Variants in SEMA3C observed in about 807,000 individuals in gnomAD.
SEMA3C encodes semaphorin-3C.
Under a neutral mutation model 89.4 loss-of-function variants are expected in SEMA3C, and 47 were observed. The observed-to-expected ratio is 0.53, with a 90% CI of 0.42 to 0.67. SEMA3C has a LOEUF of 0.67. Among genes scored for constraint, SEMA3C ranks in the 30% least tolerant of loss-of-function variants. SEMA3C has a pLI of 0.00. For missense variants in SEMA3C, 839 were observed against 929.1 expected (o/e 0.90, Z 1.26); for synonymous variants, 310 against 320.2 (o/e 0.97, Z 0.34).
rs181153510 is a variant in SEMA3C, at chr7:80,900,785, T to C, written c.103+15894A>G. Among the ~76,000 whole-genome samples, 4 of 152,294 alleles carry C rather than the reference T, an allele frequency of 2.6e-5. No homozygotes were observed. In the East Asian group the frequency reaches 5.8e-4, roughly 22 times the overall value. ...GCACAGACTAAAAAGTAACTCTATA[T>C]AACAAATGAATCACTTTCATGACTA... On this transcript the variant is annotated intron_variant, in intron 2 of 17. Coordinates refer to ENST00000265361, the MANE Select transcript of SEMA3C (RefSeq NM_006379.5).
At chr7:80,793,594 G>T (rs1788993435) in intron 11 of SEMA3C, 2 of 382,278 alleles carry the variant, frequency 5.2e-6, no homozygotes, top group South Asian at 4.1e-5. Flanking sequence ...TTTGGTTTAG[G>T]ATCAATTTCC....
chr7:80,874,817 G>A (rs796871901), intron 2 of SEMA3C, among the ~76,000 whole-genome samples: 2 of 152,062 alleles, frequency 1.3e-5, no homozygotes, highest in South Asian at 4.2e-4. Flanking sequence ...CTGTAAAATG[G>A]TGTTTTAAAA....
At chr7:80,851,373 A>C (rs113332365) in intron 2 of SEMA3C, among the ~76,000 whole-genome samples, 4,292 of 151,746 alleles carry the variant, frequency 0.028, 181 homozygotes, top group African/African-American at 0.093. Context: ...GGCGTGGGGC[A>C]GGCACCTATA....
At chr7:80,830,548 T>C (rs991125225) in intron 2 of SEMA3C, among the ~76,000 whole-genome samples, 10 of 152,180 alleles carry the variant, frequency 6.6e-5, no homozygotes, top group African/African-American at 2.4e-4. Flanking sequence ...ACAACAATAG[T>C]AAAATACAGG....
intron 3 of SEMA3C, 102 bp downstream of exon 3, chr7:80,828,483 T>C: frequency 3.2e-6 from 3 of 950,648 alleles, no homozygotes; most frequent in Non-Finnish European, 4.5e-6. Context: ...CAGTATTTTC[T>C]ATTGTTCTAA....
intron 2 of SEMA3C, among the ~76,000 whole-genome samples, chr7:80,837,514 G>A (rs1481926240): frequency 6.6e-6 from 1 of 152,146 alleles, no homozygotes; most frequent in Non-Finnish European, 1.5e-5. Context: ...GGCCTCCTAT[G>A]ATCTAGTTCC....
At position 80,810,694 on chromosome 7, in the gene SEMA3C, A is replaced by G. The variant is rs1583899661; in HGVS notation, c.455T>C (p.Val152Ala). The change falls in exon 6 of 18, where the codon GTT becomes GCT. Residue 152 changes from valine (V) to alanine (A), a missense_variant. By Grantham distance (64) the Val-to-Ala change is moderately conservative. Transcript: ENST00000265361. ...TTCACACTTGGAGTCAATCATGAAA[A>G]CTTGGTCCTTTATTGTAGATAAAAT... Reference protein sequence around the residue: ...LNRGRRSEDQVFMIDSKCESG... With the variant: ...LNRGRRSEDQAFMIDSKCESG... 6.2e-7 allele frequency: 1 copy of G among 1,613,146 alleles called. No homozygotes were observed. Among genetic ancestry groups the G allele is most frequent in the East Asian group, 2.2e-5 (1 of 44,846 alleles).
intron 2 of SEMA3C, among the ~76,000 whole-genome samples, chr7:80,867,332 C>T (rs1486674448): frequency 1.3e-5 from 2 of 151,966 alleles, no homozygotes; most frequent in Admixed American, 6.6e-5. Flanking sequence ...AACTCCTGAC[C>T]TAAAGCTATC....
At chr7:80,803,837 A>G (rs1789269395) in intron 8 of SEMA3C, among the ~76,000 whole-genome samples, 1 of 152,112 alleles carries the variant, frequency 6.6e-6, no homozygotes, top group South Asian at 2.1e-4. Context: ...CAAAAACAAA[A>G]TATTTTCTTG....
At chr7:80,869,995 T>G in intron 2 of SEMA3C, among the ~76,000 whole-genome samples, 1 of 152,212 alleles carries the variant, frequency 6.6e-6, no homozygotes, top group Non-Finnish European at 1.5e-5. Flanking sequence ...ATCAAAAACT[T>G]CATGCTCAAA....
At chr7:80,815,780 G>GAT (rs1434445574) in intron 5 of SEMA3C, among the ~76,000 whole-genome samples, 1 of 152,076 alleles carries the variant, frequency 6.6e-6, no homozygotes, top group Non-Finnish European at 1.5e-5. Context: ...GGTCACCTGT[G>GAT]ATATTCTTGG....
At chr7:80,903,320 T>A (rs1791929009) in intron 2 of SEMA3C, among the ~76,000 whole-genome samples, 1 of 152,138 alleles carries the variant, frequency 6.6e-6, no homozygotes, top group South Asian at 2.1e-4. Context: ...CATTTGTGTA[T>A]CCAAACATAT....
At chr7:80,916,962 C>CT (rs1792292640) in intron 1 of SEMA3C, 143 bp from the exon 2 acceptor site, 2 of 579,484 alleles carry the variant, frequency 3.5e-6, no homozygotes, top group East Asian at 6.3e-5. Flanking sequence ...GGTGCTGTGT[C>CT]TTTGCTTCTC....
intron 2 of SEMA3C, among the ~76,000 whole-genome samples, chr7:80,904,953 A>G (rs961965175): frequency 2.0e-5 from 3 of 151,704 alleles, no homozygotes; most frequent in African/African-American, 7.3e-5. Context: ...TTTTTCCTGA[A>G]TTTTCAGAAT....
At chr7:80,757,316 C>G (rs1264676717) in intron 15 of SEMA3C, among the ~76,000 whole-genome samples, 1 of 152,222 alleles carries the variant, frequency 6.6e-6, no homozygotes, top group Non-Finnish European at 1.5e-5. Flanking sequence ...TACCTATGAC[C>G]TTGGTTGACT....
chr7:80,850,908 G>A (rs1380232556), intron 2 of SEMA3C, among the ~76,000 whole-genome samples: 3 of 152,114 alleles, frequency 2.0e-5, no homozygotes, highest in African/African-American at 7.2e-5. Context: ...CACACTTCTA[G>A]AGACCAGGAG....
chr7:80,905,812 T>G, intron 2 of SEMA3C: 1 of 1,258,322 alleles, frequency 7.9e-7, no homozygotes. Flanking sequence ...TTTACATGGT[T>G]GGCTTATGCC....
In SEMA3C at chr7:80,746,718, G is replaced by GGTGTGTGT. The variant is rs5885196; in HGVS notation, c.1843-1419_1843-1412dup. Among the ~76,000 whole-genome samples, 1,296 of 142,814 alleles carry GGTGTGTGT rather than the reference G, an allele frequency of 9.1e-3. 10 individuals carry two copies. The highest frequency in any genetic ancestry group is 0.028 in the Middle Eastern group (8 of 284). 93.7% of individuals were successfully genotyped at this position (142,814 alleles called of 152,430 possible). On this transcript the variant is annotated intron_variant, in intron 17 of 17. Transcript: ENST00000265361. Reference sequence around the variant, plus strand: ...ATCACATGTACTGATATTGAAGTGGGGTGTGTGTGTGTGTGTGTGTGTGTG... The same window carrying GGTGTGTGT: ...ATCACATGTACTGATATTGAAGTGGGGTGTGTGTGTGTGTGTGTGTGTGTGTGTGTGTG...
intron 4 of SEMA3C, among the ~76,000 whole-genome samples, chr7:80,822,791 TACAC>T (rs756095759): frequency 1.3e-5 from 2 of 152,190 alleles, no homozygotes; most frequent in African/African-American, 2.4e-5. Flanking sequence ...TGGAAAATAA[TACAC>T]ACATCCAACT....
Sources: gnomAD v4.1 joint callset for allele counts (sites outside exome capture counted in the v4.1 genomes callset) on GRCh38, gnomAD v4.1.1 for gene constraint, MANE v1.5 for transcripts, NCBI Gene and HGNC (gene_info 2026-07-23, HGNC 2026-07-21) for gene names.